The following NMNAT2 variants were observed in gnomAD, a reference collection of about 807,000 sequenced individuals.
NMNAT2 encodes nicotinamide nucleotide adenylyltransferase 2, also known as nicotinamide/nicotinic acid mononucleotide adenylyltransferase 2.
A neutral mutation model predicts 41.6 loss-of-function variants in NMNAT2; 11 were observed. That is an observed-to-expected ratio of 0.26 (90% CI 0.17 to 0.44). NMNAT2 has a LOEUF of 0.44. Among genes scored for constraint, NMNAT2 ranks in the 20% least tolerant of loss-of-function variants. The pLI, the probability that NMNAT2 is intolerant of heterozygous loss-of-function variation, is 1.00. For synonymous variants in NMNAT2, 148 were observed against 151.2 expected (o/e 0.98, Z 0.16); for missense variants, 288 against 407.7 (o/e 0.71, Z 2.53).
chr1:183,384,163 G>A (rs1663861012), intron 1 of NMNAT2, among the ~76,000 whole-genome samples: 2 of 150,038 alleles, frequency 1.3e-5, no homozygotes, highest in East Asian at 1.9e-4. Context: ...TGTGGCCGGA[G>A]CAGAAGGAAG....
chr1:183,378,704 T>C (rs1160297125), intron 1 of NMNAT2, among the ~76,000 whole-genome samples: 6 of 152,164 alleles, frequency 3.9e-5, no homozygotes, highest in Non-Finnish European at 1.5e-5. Flanking sequence ...AATCCAATCA[T>C]ATCAATAATC....
rs778199661 is a variant in NMNAT2 at position 183,252,621 on chromosome 1, T to G, written c.*20A>C. ...GACAAAGATGGAGGGGCCATTGTGT[T>G]GCCGGAGGACGAGGGGCTGCTAGCC... On this transcript the variant is annotated 3_prime_UTR_variant, in exon 11 of 11. Coordinates refer to ENST00000287713, the MANE Select transcript of NMNAT2 (RefSeq NM_015039.4). 8 of 1,556,800 alleles carry G rather than the reference T, an allele frequency of 5.1e-6. No individual in the cohort carries two copies. In the African/African-American group the frequency reaches 9.5e-5, roughly 18 times the overall value.
intron 1 of NMNAT2, among the ~76,000 whole-genome samples, chr1:183,344,345 T>C (rs1439654643): frequency 6.6e-6 from 1 of 152,192 alleles, no homozygotes; most frequent in Non-Finnish European, 1.5e-5. Context: ...ATTCCAGGGC[T>C]GACCCATTCC....
chr1:183,255,436 T>C (rs933783938), intron 10 of NMNAT2, among the ~76,000 whole-genome samples: 1 of 152,214 alleles, frequency 6.6e-6, no homozygotes, highest in African/African-American at 2.4e-5. Context: ...TTGATTTTTC[T>C]ATTTCTGTGA....
intron 1 of NMNAT2, among the ~76,000 whole-genome samples, chr1:183,371,634 A>AT (rs1663546347): frequency 1.3e-5 from 2 of 152,162 alleles, no homozygotes; most frequent in Non-Finnish European, 2.9e-5. Context: ...CTTAAAAAAC[A>AT]TTTTTTTAAA....
At chr1:183,321,804 G>T (rs374702322) in intron 1 of NMNAT2, among the ~76,000 whole-genome samples, 3 of 151,844 alleles carry the variant, frequency 2.0e-5, no homozygotes, top group South Asian at 2.1e-4. Flanking sequence ...CTAGATTTTT[G>T]GTTTTTGTTT....
Position 183,261,199 on chromosome 1 carries a change from C to A in NMNAT2, c.753+3G>T. ...AGATGCACTAGCAGGATGGAGGACTCACTTTGTATTTGCGGAGTATTGAGG... is the reference window on the plus strand; with the variant it reads ...AGATGCACTAGCAGGATGGAGGACTAACTTTGTATTTGCGGAGTATTGAGG... On this transcript the variant is annotated splice_donor_region_variant and intron_variant, in intron 9 of 10. Coordinates refer to ENST00000287713, the MANE Select transcript of NMNAT2 (RefSeq NM_015039.4). The A allele has an allele frequency of 6.2e-7, 1 of 1,613,852 alleles. No homozygotes were observed. Among genetic ancestry groups the A allele is most frequent in the Non-Finnish European group, 8.5e-7 (1 of 1,179,712 alleles).
chr1:183,404,605 G>A (rs1648903572), intron 1 of NMNAT2, among the ~76,000 whole-genome samples: 2 of 152,148 alleles, frequency 1.3e-5, no homozygotes, highest in Admixed American at 1.3e-4. Context: ...CTCCATTTCA[G>A]AGGAAGAATG....
intron 1 of NMNAT2, among the ~76,000 whole-genome samples, chr1:183,412,501 GT>G (rs1398715505): frequency 6.6e-6 from 1 of 152,220 alleles, no homozygotes; most frequent in Non-Finnish European, 1.5e-5. Flanking sequence ...GGGATTAGAG[GT>G]GTGAGCCACC....
intron 1 of NMNAT2, among the ~76,000 whole-genome samples, chr1:183,320,840 CCT>C: frequency 6.6e-6 from 1 of 152,144 alleles, no homozygotes; most frequent in East Asian, 1.9e-4. Context: ...AGTGGAACTG[CCT>C]CTGTCCTGCT....
At chr1:183,325,613 CCCT>C (rs1207859208) in intron 1 of NMNAT2, among the ~76,000 whole-genome samples, 1 of 152,184 alleles carries the variant, frequency 6.6e-6, no homozygotes, top group East Asian at 1.9e-4. Flanking sequence ...AAATAAAACT[CCCT>C]TTCACCTCAT....
chr1:183,293,863 A>G, intron 1 of NMNAT2, 70 bp from the exon 2 acceptor site: 2 of 1,070,598 alleles, frequency 1.9e-6, no homozygotes, highest in Admixed American at 3.5e-5. Flanking sequence ...ATTGAAATCA[A>G]TACGCTCAGC....
chr1:183,310,753 A>G (rs955662149), intron 1 of NMNAT2, among the ~76,000 whole-genome samples: 1 of 152,086 alleles, frequency 6.6e-6, no homozygotes, highest in Non-Finnish European at 1.5e-5. Context: ...AGGGTTGAAA[A>G]TCCTGTTCTA....
chr1:183,255,671 T>G (rs1323249571), intron 10 of NMNAT2, among the ~76,000 whole-genome samples: 2 of 147,660 alleles, frequency 1.4e-5, no homozygotes, highest in African/African-American at 5.2e-5. Flanking sequence ...GGTTTTTTTT[T>G]TTTTTTTTTT....
At chr1:183,339,004 C>A (rs1169386184) in intron 1 of NMNAT2, among the ~76,000 whole-genome samples, 1 of 152,164 alleles carries the variant, frequency 6.6e-6, no homozygotes, top group Non-Finnish European at 1.5e-5. Context: ...TTCACAGGGT[C>A]CTGCCAGGCG....
At chr1:183,375,317 A>T (rs1268255999) in intron 1 of NMNAT2, among the ~76,000 whole-genome samples, 1 of 152,236 alleles carries the variant, frequency 6.6e-6, no homozygotes, top group African/African-American at 2.4e-5. Context: ...GCTCTGTGCC[A>T]GCCATAGTTT....
intron 1 of NMNAT2, among the ~76,000 whole-genome samples, chr1:183,396,821 T>C (rs749724964): frequency 6.6e-6 from 1 of 152,216 alleles, no homozygotes; most frequent in Non-Finnish European, 1.5e-5. Context: ...TGTCTCAGTC[T>C]GTTACTCTGC....
At chr1:183,370,688 G>C (rs1435132502) in intron 1 of NMNAT2, among the ~76,000 whole-genome samples, 1 of 152,186 alleles carries the variant, frequency 6.6e-6, no homozygotes, top group Non-Finnish European at 1.5e-5. Flanking sequence ...CATTGATTCT[G>C]GGGGAATGAA....
At chr1:183,390,897 C>T (rs936843138) in intron 1 of NMNAT2, among the ~76,000 whole-genome samples, 4 of 152,124 alleles carry the variant, frequency 2.6e-5, no homozygotes, top group African/African-American at 7.2e-5. Context: ...TTCTGATAGC[C>T]TCCACAGCCT....
Sources: gnomAD v4.1 joint callset for allele counts (sites outside exome capture counted in the v4.1 genomes callset) on GRCh38, gnomAD v4.1.1 for gene constraint, MANE v1.5 for transcripts, NCBI Gene and HGNC (gene_info 2026-07-23, HGNC 2026-07-21) for gene names.